PRRC2C: variants seen among roughly 807,000 people sequenced by gnomAD.
PRRC2C encodes proline rich coiled-coil 2C.
Under a neutral mutation model 317.2 loss-of-function variants are expected in PRRC2C, and 72 were observed. The ratio of observed to expected loss-of-function variants is 0.23; its 90% CI spans 0.19 to 0.28. The LOEUF (loss-of-function observed/expected upper bound fraction) is 0.28, where lower values mean the gene tolerates loss of function less well. Ranked by LOEUF, PRRC2C falls within the 10% of genes least tolerant of loss-of-function variation. PRRC2C has a pLI of 1.00. For synonymous variants in PRRC2C, 1,296 were observed against 1,205.9 expected (o/e 1.07, Z -1.55); for missense variants, 3,074 against 3,459.7 (o/e 0.89, Z 2.80).
chr1:171,543,150 A>C (rs1430913959), intron 16 of PRRC2C, among the ~76,000 whole-genome samples: 5 of 149,558 alleles, frequency 3.3e-5, no homozygotes, highest in Non-Finnish European at 5.9e-5. Context: ...TGGGCGGGTC[A>C]CAAGGTCAGG....
At chr1:171,553,377 G>A (rs948374008) in intron 18 of PRRC2C, among the ~76,000 whole-genome samples, 5 of 151,166 alleles carry the variant, frequency 3.3e-5, no homozygotes, top group East Asian at 1.9e-4. Context: ...TCTTGCTAGC[G>A]GTCTGTCAAT....
At chr1:171,501,440 C>G (rs1669102444) in intron 1 of PRRC2C, among the ~76,000 whole-genome samples, 1 of 152,126 alleles carries the variant, frequency 6.6e-6, no homozygotes, top group Admixed American at 6.5e-5. Flanking sequence ...TGAGGTGTAC[C>G]TGTTTTGATA....
At chr1:171,590,500 A>C (rs1288236685) in intron 34 of PRRC2C, among the ~76,000 whole-genome samples, 1 of 152,192 alleles carries the variant, frequency 6.6e-6, no homozygotes, top group Non-Finnish European at 1.5e-5. Flanking sequence ...TACTGCTTTC[A>C]AACAGGGAAA....
chr1:171,570,314 T>A (rs1408550277), intron 23 of PRRC2C, among the ~76,000 whole-genome samples: 1 of 152,226 alleles, frequency 6.6e-6, no homozygotes, highest in Non-Finnish European at 1.5e-5. Flanking sequence ...TTAATTATAC[T>A]TGAAAATGGC....
intron 17 of PRRC2C, 39 bp from the exon 18 acceptor site, chr1:171,550,047 A>G (rs1380257330): frequency 1.3e-6 from 2 of 1,498,530 alleles, no homozygotes; most frequent in South Asian, 2.7e-5. Flanking sequence ...TTTCATTTGA[A>G]AAACAGAAAA....
chr1:171,562,650 A>C (rs541332327), intron 20 of PRRC2C, among the ~76,000 whole-genome samples: 1 of 152,334 alleles, frequency 6.6e-6, no homozygotes, highest in East Asian at 1.9e-4. Flanking sequence ...TTTTGGGTTG[A>C]ACAGTAGGAA....
chr1:171,529,370 C>T, intron 11 of PRRC2C, among the ~76,000 whole-genome samples: 1 of 152,284 alleles, frequency 6.6e-6, no homozygotes, highest in Non-Finnish European at 1.5e-5. Context: ...TAGTAAACAG[C>T]TCAAATATGT....
intron 14 of PRRC2C, 88 bp from the exon 15 acceptor site, chr1:171,537,171 CAATT>C (rs1440933113): frequency 1.8e-5 from 17 of 963,362 alleles, no homozygotes; most frequent in South Asian, 5.0e-5. Flanking sequence ...TTCCACCTAA[CAATT>C]AATAACCTGT....
At chr1:171,578,388 C>CA (rs1647678671) in intron 26 of PRRC2C, among the ~76,000 whole-genome samples, 1 of 151,826 alleles carries the variant, frequency 6.6e-6, no homozygotes, top group African/African-American at 2.4e-5. Flanking sequence ...CCCATCTCTA[C>CA]AAAAAATTTT....
chr1:171,584,452 T>C lies in PRRC2C; in HGVS notation c.7675T>C (p.Tyr2559His). 1 of 1,590,040 alleles carries C rather than the reference T, an allele frequency of 6.3e-7. No homozygotes were observed. The highest frequency in any genetic ancestry group is 1.2e-5 in the South Asian group (1 of 86,850). The change falls in exon 30 of 35, where the codon TAT becomes CAT. Residue 2559 changes from tyrosine to histidine, a missense_variant. Tyr to His is a moderately conservative substitution (Grantham distance 83, BLOSUM62 2). Around this residue, in one of 11 missense-constraint regions of PRRC2C, gnomAD observed 490 missense variants for 663.1 expected, o/e 0.74. Transcript: ENST00000647382. ...RANLTQASNLYSGQVQQPGQT... is the reference protein window; with the variant it reads ...RANLTQASNLHSGQVQQPGQT... ...AAATCTTACCCAGGCCTCAAATCTT[T>C]ATTCTGGACAAGTACAACAGCCTGG...
intron 28 of PRRC2C, among the ~76,000 whole-genome samples, chr1:171,581,717 A>G (rs1016352328): frequency 7.9e-5 from 12 of 152,244 alleles, no homozygotes; most frequent in African/African-American, 2.6e-4. Context: ...ATGTTTTCTT[A>G]CCTCGTGTTT....
chr1:171,520,228 G>T (rs1261273385), intron 6 of PRRC2C, among the ~76,000 whole-genome samples: 1 of 152,210 alleles, frequency 6.6e-6, no homozygotes, highest in African/African-American at 2.4e-5. Context: ...CTCCCAAAGT[G>T]CTGGGATTAC....
intron 28 of PRRC2C, 82 bp downstream of exon 28, chr1:171,580,046 C>G: frequency 8.0e-7 from 1 of 1,256,544 alleles, no homozygotes; most frequent in Non-Finnish European, 1.0e-6. Flanking sequence ...CCATACTGTT[C>G]CTTCCCAAAA....
Position 171,566,848 on chromosome 1 carries a change from G to A in PRRC2C, c.6558+5G>A, listed in dbSNP as rs1490302227. The A allele has an allele frequency of 5.6e-6, 9 of 1,605,698 alleles. No homozygotes were observed. The highest frequency in any genetic ancestry group is 6.8e-6 in the Non-Finnish European group (8 of 1,176,434). ...GAATATGGTACTAATGCAAAGGTAA[G>A]CCACATGTAGGGATTACCAGTTCAA... On this transcript the variant is annotated splice_donor_5th_base_variant and intron_variant, in intron 22 of 34. Coordinates refer to ENST00000647382, the MANE Select transcript of PRRC2C (RefSeq NM_001387844.1).
chr1:171,512,673 T>A (rs1348510476), intron 2 of PRRC2C: 1 of 255,422 alleles, frequency 3.9e-6, no homozygotes, highest in East Asian at 9.0e-5. Flanking sequence ...ATACAGTCAA[T>A]ACATTTATTC....
intron 16 of PRRC2C, among the ~76,000 whole-genome samples, chr1:171,544,156 T>G (rs908601517): frequency 6.6e-6 from 1 of 152,018 alleles, no homozygotes; most frequent in African/African-American, 2.4e-5. Flanking sequence ...GGAGTCTCAC[T>G]CTGTCACCCA....
rs1279244690 is a variant in PRRC2C at position 171,523,538 on chromosome 1, T to G, written c.1055+16T>G. 6.4e-7 allele frequency: 1 copy of G among 1,574,078 alleles called. No homozygotes were observed. The highest frequency in any genetic ancestry group is 1.7e-5 in the Admixed American group (1 of 59,138). ...AGAATAACAGGTAAGTTGTGATATCTTTTACTAATAACAGTATGAATTTGT... is the reference window on the plus strand; with the variant it reads ...AGAATAACAGGTAAGTTGTGATATCGTTTACTAATAACAGTATGAATTTGT... On this transcript the variant is annotated intron_variant, in intron 9 of 34. Transcript: ENST00000647382.
chr1:171,555,082 G>A (rs925409198), intron 18 of PRRC2C, among the ~76,000 whole-genome samples: 15 of 152,220 alleles, frequency 9.9e-5, no homozygotes, highest in South Asian at 8.3e-4. Flanking sequence ...CATTCTCCCC[G>A]TCACTTTCAG....
In PRRC2C at chr1:171,541,006, T is replaced by C; in HGVS notation, c.3540T>C (p.Asp1180=). 1 of 1,613,160 alleles carries C rather than the reference T, an allele frequency of 6.2e-7. No individual in the cohort carries two copies. Among genetic ancestry groups the C allele is most frequent in the African/African-American group, 1.3e-5 (1 of 74,892 alleles). The change falls in exon 16 of 35, where the codon GAT becomes GAC. Residue 1180 remains aspartate, a synonymous_variant. Transcript: ENST00000647382. This position sits in a 1 kb window ranked among gnomAD's most constrained non-coding sequence, Gnocchi z 4.1. ...RTYWKEARER[D]WFPDQGYRGR... is the part of the protein sequence containing the mutation. ...ATTGGAAAGAAGCTAGAGAGAGAGA[T>C]TGGTTTCCAGATCAAGGATACAGAG... is the stretch of plus-strand genomic sequence containing the variant.
Sources: allele counts gnomAD v4.1 joint callset (sites outside exome capture counted in the v4.1 genomes callset), GRCh38; gene constraint gnomAD v4.1.1; regional missense constraint gnomAD v4.1.1; non-coding constraint Gnocchi (gnomAD v3.1); transcripts MANE v1.5; gene names NCBI Gene and HGNC (gene_info 2026-07-23, HGNC 2026-07-21).